The following ACVRL1 variants were observed in gnomAD, a reference collection of about 807,000 sequenced individuals.
ACVRL1 encodes activin receptor type-1-like.
ACVRL1 carries 20 observed loss-of-function variants against 51.9 expected under a neutral mutation model. The ratio of observed to expected loss-of-function variants is 0.39; its 90% confidence interval spans 0.27 to 0.56. The LOEUF is 0.56. Ranked by LOEUF, ACVRL1 falls within the 20% of genes least tolerant of loss-of-function variation. The pLI is 0.67. For missense variants in ACVRL1, 451 were observed against 670.3 expected (o/e 0.67, Z 3.61); for synonymous variants, 288 against 280.9 (o/e 1.03, Z -0.25).
rs1214190701 is a variant in ACVRL1 at position 51,914,081 on chromosome 12, G to A, written c.625+8G>A. ...CCTTGGTGGAGTGTGTGGGTGAGCAGTGGGTGAGCCCGGTGGATGAGGACC... is the reference window on the plus strand; with the variant it reads ...CCTTGGTGGAGTGTGTGGGTGAGCAATGGGTGAGCCCGGTGGATGAGGACC... On this transcript the variant is annotated splice_region_variant and intron_variant, in intron 5 of 9. Coordinates refer to ENST00000388922, the MANE Select transcript of ACVRL1 (RefSeq NM_000020.3). 5 of 1,612,542 alleles carry A rather than the reference G, an allele frequency of 3.1e-6. No homozygotes were observed. The African/African-American group carries it at 5.3e-5, about 17-fold the overall frequency.
intron 9 of ACVRL1, among the ~76,000 whole-genome samples, chr12:51,920,398 A>G (rs1437507213): frequency 1.3e-5 from 2 of 152,146 alleles, no homozygotes; most frequent in Non-Finnish European, 2.9e-5. Context: ...TGTTTCACAG[A>G]CACTGCTTGC....
In ACVRL1 at chr12:51,921,020, T is replaced by C; in HGVS notation, c.*127T>C. ...CTGGGGATGGGCAGCTGCGCCTGCC[T>C]GCTCGGCCCCCAGCCCACCCAGCCA... On this transcript the variant is annotated 3_prime_UTR_variant, in exon 10 of 10. Transcript: ENST00000388922. The C allele has an allele frequency of 8.4e-7, 1 of 1,193,180 alleles. No homozygotes were observed. The highest frequency in any genetic ancestry group is 1.2e-6 in the Non-Finnish European group (1 of 838,416). 73.9% of individuals were successfully genotyped at this position (1,193,180 alleles called of 1,614,324 possible).
chr12:51,909,877 G>A (rs530249593), intron 1 of ACVRL1, among the ~76,000 whole-genome samples: 7 of 152,306 alleles, frequency 4.6e-5, no homozygotes, highest in South Asian at 2.1e-4. Context: ...TTTAGCTAAC[G>A]TTTGAAATTA....
In ACVRL1 at chr12:51,922,281, T is replaced by A. The variant is rs1320281493; in HGVS notation, c.*1388T>A. Reference sequence around the variant, plus strand: ...AAGCTCCAGTTCTTGCCTAAAACCATGCCAGTGGCCACCCTTGGGCTCAGA... The same window carrying A: ...AAGCTCCAGTTCTTGCCTAAAACCAAGCCAGTGGCCACCCTTGGGCTCAGA... On this transcript the variant is annotated 3_prime_UTR_variant, in exon 10 of 10. Transcript: ENST00000388922. The A allele has an allele frequency of 6.6e-6, 1 of 152,212 alleles. No homozygotes were observed. Among genetic ancestry groups the A allele is most frequent in the South Asian group, 2.1e-4 (1 of 4,830 alleles). The allele number at this position is 152,212 out of a possible 1,614,324, so 9.4% of individuals were successfully genotyped here.
rs1340709349 is a variant in ACVRL1, at chr12:51,921,271, C to G, written c.*378C>G. On this transcript the variant is annotated 3_prime_UTR_variant, in exon 10 of 10. Transcript: ENST00000388922. ...CACTTTGCCCCCTGCCCTTGATCAA[C>G]CCCACTGCCCCACCAGAGCTGCCAG... 2 of 341,926 alleles carry G rather than the reference C, an allele frequency of 5.8e-6. No individual in the cohort carries two copies. Among genetic ancestry groups the G allele is most frequent in the Admixed American group, 7.9e-5 (2 of 25,220 alleles). 21.2% of individuals were successfully genotyped at this position (341,926 alleles called of 1,614,324 possible).
In ACVRL1 at chr12:51,921,013, G is replaced by A. The variant is rs539571133; in HGVS notation, c.*120G>A. Reference sequence around the variant, plus strand: ...GTGTGTGCTGGGGATGGGCAGCTGCGCCTGCCTGCTCGGCCCCCAGCCCAC... The same window carrying A: ...GTGTGTGCTGGGGATGGGCAGCTGCACCTGCCTGCTCGGCCCCCAGCCCAC... On this transcript the variant is annotated 3_prime_UTR_variant, in exon 10 of 10. Transcript: ENST00000388922. The A allele has an allele frequency of 1.5e-4, 194 of 1,253,372 alleles. No individual in the cohort carries two copies. Among genetic ancestry groups the A allele is most frequent in the Non-Finnish European group, 2.0e-4 (179 of 892,282 alleles). The allele number at this position is 1,253,372 out of a possible 1,614,324, so 77.6% of individuals were successfully genotyped here.
rs1485092347 is a variant in ACVRL1, at chr12:51,922,589, G to A, written c.*1696G>A. Reference sequence around the variant, plus strand: ...GGATGTATGTATGCTCACGTATGGAGCAGGTTGTCCTGGTCCCTGGGTGCA... The same window carrying A: ...GGATGTATGTATGCTCACGTATGGAACAGGTTGTCCTGGTCCCTGGGTGCA... On this transcript the variant is annotated 3_prime_UTR_variant, in exon 10 of 10. Coordinates refer to ENST00000388922, the MANE Select transcript of ACVRL1 (RefSeq NM_000020.3). The A allele has an allele frequency of 6.6e-6, 1 of 152,478 alleles. No homozygotes were observed. Among genetic ancestry groups the A allele is most frequent in the African/African-American group, 2.4e-5 (1 of 41,478 alleles). 9.4% of individuals were successfully genotyped at this position (152,478 alleles called of 1,614,324 possible). A position where few individuals can be genotyped will look rare whatever the true frequency, so the allele number is the denominator to read the frequency against.
chr12:51,921,037 A>G lies in ACVRL1; in HGVS notation c.*144A>G. 1 of 1,022,714 alleles carries G rather than the reference A, an allele frequency of 9.8e-7. No individual in the cohort carries two copies. The allele number at this position is 1,022,714 out of a possible 1,614,324, so 63.4% of individuals were successfully genotyped here. A position where few individuals can be genotyped will look rare whatever the true frequency, so the allele number is the denominator to read the frequency against. ...CGCCTGCCTGCTCGGCCCCCAGCCC[A>G]CCCAGCCAAAAATACAGCTGGGCTG... On this transcript the variant is annotated 3_prime_UTR_variant, in exon 10 of 10. Coordinates refer to ENST00000388922, the MANE Select transcript of ACVRL1 (RefSeq NM_000020.3).
In ACVRL1 at chr12:51,913,594, G is replaced by A. The variant is rs1324047601; in HGVS notation, c.349G>A (p.Gly117Ser). ...QPPSEQPGTDGQLALILGPVL... is the reference protein window; with the variant it reads ...QPPSEQPGTDSQLALILGPVL... ...TCCTTCGGAGCAGCCGGGAACAGAT[G>A]GCCAGCTGGCCCTGATCCTGGGCCC... The change falls in exon 4 of 10, where the codon GGC (glycine) becomes AGC (serine). Residue 117 changes from glycine (G) to serine (S), a missense_variant. Coordinates refer to ENST00000388922, the MANE Select transcript of ACVRL1 (RefSeq NM_000020.3). The A allele has an allele frequency of 6.2e-7, 1 of 1,600,460 alleles. No individual in the cohort carries two copies. Among genetic ancestry groups the A allele is most frequent in the East Asian group, 2.2e-5 (1 of 44,868 alleles).
At chr12:51,912,846 G>A (rs1807089897) in intron 2 of ACVRL1, among the ~76,000 whole-genome samples, 1 of 152,084 alleles carries the variant, frequency 6.6e-6, no homozygotes, top group African/African-American at 2.4e-5. Context: ...GGGGCTGGGG[G>A]CCCAGCCCAG....
In ACVRL1 at chr12:51,921,542, G is replaced by T. The variant is rs1423568529; in HGVS notation, c.*649G>T. On this transcript the variant is annotated 3_prime_UTR_variant, in exon 10 of 10. Coordinates refer to ENST00000388922, the MANE Select transcript of ACVRL1 (RefSeq NM_000020.3). Reference sequence around the variant, plus strand: ...TAAGAGGTCCTACTGAGGTGTGGCAGGATCACAGGCCAGTGGAAAAAGGGC... The same window carrying T: ...TAAGAGGTCCTACTGAGGTGTGGCATGATCACAGGCCAGTGGAAAAAGGGC... The T allele has an allele frequency of 6.2e-6, 1 of 162,162 alleles. No homozygotes were observed. The highest frequency in any genetic ancestry group is 5.7e-5 in the Admixed American group (1 of 17,556). The allele number at this position is 162,162 out of a possible 1,614,324, so 10.0% of individuals were successfully genotyped here. A position where few individuals can be genotyped will look rare whatever the true frequency, so the allele number is the denominator to read the frequency against.
intron 6 of ACVRL1, 140 bp downstream of exon 6, chr12:51,914,725 A>C: frequency 3.7e-6 from 1 of 269,480 alleles, no homozygotes; most frequent in Non-Finnish European, 6.1e-6. Flanking sequence ...TTTTTAATTT[A>C]ATTTAATTTA....
At chr12:51,909,526 T>C (rs1028413257) in intron 1 of ACVRL1, among the ~76,000 whole-genome samples, 17 of 151,972 alleles carry the variant, frequency 1.1e-4, no homozygotes, top group African/African-American at 3.9e-4. Flanking sequence ...AAACGCTGTC[T>C]TCATTTAAAC....
intron 8 of ACVRL1, among the ~76,000 whole-genome samples, chr12:51,916,700 G>A (rs1940847938): frequency 6.6e-6 from 1 of 152,234 alleles, no homozygotes; most frequent in South Asian, 2.1e-4. Flanking sequence ...TAAAATGGGT[G>A]CGATGGCTCA....
At chr12:51,911,166 T>G (rs942653345) in intron 1 of ACVRL1, among the ~76,000 whole-genome samples, 1 of 152,254 alleles carries the variant, frequency 6.6e-6, no homozygotes, top group African/African-American at 2.4e-5. Flanking sequence ...GAAAGTCCTG[T>G]TGCTGTCTGA....
chr12:51,910,647 T>G (rs1156984439), intron 1 of ACVRL1, among the ~76,000 whole-genome samples: 1 of 152,216 alleles, frequency 6.6e-6, no homozygotes, highest in Non-Finnish European at 1.5e-5. Flanking sequence ...CTTTGCAGCT[T>G]TCTGGGCTAG....
In ACVRL1 at chr12:51,921,117, G is replaced by A. The variant is rs1592228681; in HGVS notation, c.*224G>A. Reference sequence around the variant, plus strand: ...CAAAGCGGCAGGCTCCCTGACGCCTGGCTCTCTCCCCACCCCTATGGCCAG... The same window carrying A: ...CAAAGCGGCAGGCTCCCTGACGCCTAGCTCTCTCCCCACCCCTATGGCCAG... On this transcript the variant is annotated 3_prime_UTR_variant, in exon 10 of 10. Transcript: ENST00000388922. 3.4e-6 allele frequency: 2 copies of A among 580,020 alleles called. No individual in the cohort carries two copies. Among genetic ancestry groups the A allele is most frequent in the African/African-American group, 3.7e-5 (2 of 53,588 alleles). 35.9% of individuals were successfully genotyped at this position (580,020 alleles called of 1,614,324 possible).
intron 1 of ACVRL1, among the ~76,000 whole-genome samples, chr12:51,911,132 C>T (rs924022554): frequency 9.9e-5 from 15 of 152,252 alleles, no homozygotes; most frequent in African/African-American, 3.4e-4. Flanking sequence ...CCCAGACACA[C>T]ACCTGCACAT....
chr12:51,916,357 T>A, intron 8 of ACVRL1, 124 bp downstream of exon 8: 1 of 1,007,428 alleles, frequency 9.9e-7, no homozygotes, highest in Non-Finnish European at 1.4e-6. Flanking sequence ...ACCCCTTCCA[T>A]GCTGCCCACC....
Sources: allele counts gnomAD v4.1 joint callset (sites outside exome capture counted in the v4.1 genomes callset), GRCh38; gene constraint gnomAD v4.1.1; transcripts MANE v1.5; gene names NCBI Gene and HGNC (gene_info 2026-07-23, HGNC 2026-07-21).